STUM: variants seen among roughly 807,000 people sequenced by gnomAD.
The protein encoded by STUM is stum, mechanosensory transduction mediator homolog.
A neutral mutation model predicts 15.3 loss-of-function variants in STUM; 8 were observed. That is an observed-to-expected ratio of 0.52 (90% CI 0.31 to 0.94). The LOEUF (loss-of-function observed/expected upper bound fraction) is 0.94, where lower values mean the gene tolerates loss of function less well. Ranked by LOEUF, STUM falls within the 40% of genes least tolerant of loss-of-function variation. STUM has a pLI of 0.05. For missense variants in STUM, 142 were observed against 204.9 expected (o/e 0.69, Z 1.87); for synonymous variants, 78 against 88.7 (o/e 0.88, Z 0.68).
At chr1:226,588,512 C>T (rs1269012289) in intron 1 of STUM, among the ~76,000 whole-genome samples, 1 of 152,250 alleles carries the variant, frequency 6.6e-6, no homozygotes, top group African/African-American at 2.4e-5. Context: ...TTGCTTTCTG[C>T]AGCCTCCTCT....
Position 226,549,160 on chromosome 1 carries a change from T to TC in STUM, c.202+54_202+55insC. On this transcript the variant is annotated intron_variant, in intron 1 of 3. Transcript: ENST00000366788. The surrounding 1 kb of genome is among the most constrained non-coding windows in gnomAD (Gnocchi z 6.8). ...ACCCCCACCCCGCCGCGGGAGGGCGTGGGGGGAGAGAAGGGCGCGGCCGGA... is the reference window on the plus strand; with the variant it reads ...ACCCCCACCCCGCCGCGGGAGGGCGTCGGGGGGAGAGAAGGGCGCGGCCGGA... 3 of 1,485,838 alleles carry TC rather than the reference T, an allele frequency of 2.0e-6. No individual in the cohort carries two copies. In the African/African-American group the frequency reaches 4.4e-5, roughly 22 times the overall value. 92.0% of individuals were successfully genotyped at this position (1,485,838 alleles called of 1,614,324 possible). A position where few individuals can be genotyped will look rare whatever the true frequency, so the allele number is the denominator to read the frequency against.
intron 1 of STUM, among the ~76,000 whole-genome samples, chr1:226,586,299 C>T (rs576224950): frequency 1.3e-5 from 2 of 152,262 alleles, no homozygotes; most frequent in South Asian, 2.1e-4. Flanking sequence ...CCCACTGGTG[C>T]CTGGAACATT....
At chr1:226,582,129 A>T (rs568075970) in intron 1 of STUM, among the ~76,000 whole-genome samples, 1 of 152,328 alleles carries the variant, frequency 6.6e-6, no homozygotes, top group African/African-American at 2.4e-5. Flanking sequence ...CCACAGCTCC[A>T]CTGATACGGA....
intron 1 of STUM, among the ~76,000 whole-genome samples, chr1:226,559,887 G>C (rs1240076426): frequency 6.6e-6 from 1 of 151,156 alleles, no homozygotes; most frequent in Admixed American, 6.6e-5. Flanking sequence ...GCAGGAGAAT[G>C]GCGTGAACCC....
rs1211815771 is a variant in STUM at position 226,565,845 on chromosome 1, C to T, written c.202+16739C>T. On this transcript the variant is annotated intron_variant, in intron 1 of 3. Transcript: ENST00000366788. The surrounding 1 kb of genome is among the most constrained non-coding windows in gnomAD (Gnocchi z 4.4). ...GAAACCCAGATGGCTGGAAGCATCG[C>T]TGCCTTCCCGGAATGTCATCTCCCT... Among the ~76,000 whole-genome samples, 1 of 152,248 alleles carries T rather than the reference C, an allele frequency of 6.6e-6. No individual in the cohort carries two copies. The highest frequency in any genetic ancestry group is 1.5e-5 in the Non-Finnish European group (1 of 68,048).
Position 226,558,161 on chromosome 1 carries a change from G to C in STUM, c.202+9055G>C, listed in dbSNP as rs148937715. Among the ~76,000 whole-genome samples the C allele has an allele frequency of 2.8e-3, 426 of 152,222 alleles. 1 individual carries two copies. Among genetic ancestry groups the C allele is most frequent in the African/African-American group, 9.6e-3 (399 of 41,538 alleles). ...AATTGGGCAAGAGAAGGAAAGAAAA[G>C]GCATCCAAATAGGAAAGGAAGAAGT... On this transcript the variant is annotated intron_variant, in intron 1 of 3. Transcript: ENST00000366788.
chr1:226,598,529 A>G (rs1365991330), intron 2 of STUM, among the ~76,000 whole-genome samples: 3 of 152,166 alleles, frequency 2.0e-5, no homozygotes, highest in Non-Finnish European at 4.4e-5. Context: ...TCTCCTTAAT[A>G]CCCAGGAACG....
chr1:226,601,418 C>A (rs1345184761), intron 3 of STUM, among the ~76,000 whole-genome samples: 1 of 152,220 alleles, frequency 6.6e-6, no homozygotes, highest in Non-Finnish European at 1.5e-5. Flanking sequence ...AAACACAATA[C>A]CCTTTCACAC....
chr1:226,562,373 G>T (rs1307058492), intron 1 of STUM, among the ~76,000 whole-genome samples: 1 of 151,892 alleles, frequency 6.6e-6, no homozygotes, highest in East Asian at 1.9e-4. Context: ...GGAGGCTGAT[G>T]CAGGAGAATC....
chr1:226,593,142 C>T (rs1246669644), intron 1 of STUM, among the ~76,000 whole-genome samples: 2 of 148,686 alleles, frequency 1.3e-5, no homozygotes, highest in South Asian at 2.1e-4. Flanking sequence ...GCTGAGATCA[C>T]ACCACTGCAC....
intron 1 of STUM, among the ~76,000 whole-genome samples, chr1:226,587,331 T>C (rs1668013063): frequency 6.6e-6 from 1 of 152,044 alleles, no homozygotes; most frequent in African/African-American, 2.4e-5. Flanking sequence ...TTTCCTTCTG[T>C]CCTCGGAAGG....
rs75881679 is a variant in STUM, at chr1:226,559,611, T to C, written c.202+10505T>C. Among the ~76,000 whole-genome samples the C allele has an allele frequency of 2.1e-3, 321 of 152,296 alleles. 10 individuals are homozygous for C. In the East Asian group the frequency reaches 0.054, roughly 26 times the overall value. ...GCCACCAGGACCCTCTCCTCACTGC[T>C]CCACCCTTGTCCCTCCGGAACAATG... On this transcript the variant is annotated intron_variant, in intron 1 of 3. Transcript: ENST00000366788.
intron 1 of STUM, among the ~76,000 whole-genome samples, chr1:226,561,798 C>T (rs1667546177): frequency 6.6e-6 from 1 of 152,134 alleles, no homozygotes; most frequent in East Asian, 1.9e-4. Flanking sequence ...AGTGTCTACC[C>T]TTGGAATGCT....
intron 1 of STUM, among the ~76,000 whole-genome samples, chr1:226,585,568 T>A (rs190470801): frequency 3.5e-4 from 53 of 152,330 alleles, no homozygotes; most frequent in Admixed American, 1.7e-3. Flanking sequence ...CAGTTGGGAT[T>A]CGGACCCTGG....
At chr1:226,576,734 C>T (rs564856254) in intron 1 of STUM, among the ~76,000 whole-genome samples, 7 of 152,258 alleles carry the variant, frequency 4.6e-5, no homozygotes, top group African/African-American at 1.7e-4. Flanking sequence ...GCTGCCCACT[C>T]CCCCCTCCCA....
intron 1 of STUM, among the ~76,000 whole-genome samples, chr1:226,570,522 G>C (rs186594178): frequency 6.6e-6 from 1 of 152,326 alleles, no homozygotes; most frequent in Admixed American, 6.5e-5. Context: ...CATTGTTTTA[G>C]ACTAGACAGC....
At position 226,603,328 on chromosome 1, in the gene STUM, G is replaced by T. The variant is rs1261748358; in HGVS notation, c.*1288G>T. 6.6e-6 allele frequency: 1 copy of T among 152,198 alleles called. No individual in the cohort carries two copies. Among genetic ancestry groups the T allele is most frequent in the Non-Finnish European group, 1.5e-5 (1 of 68,038 alleles). 9.4% of individuals were successfully genotyped at this position (152,198 alleles called of 1,614,324 possible). On this transcript the variant is annotated 3_prime_UTR_variant, in exon 4 of 4. Transcript: ENST00000366788. ...AGATCCCTAATGGGGGCTAGGGGTG[G>T]GGAGAATCTAGCAGAAGTTGTCCAG...
At chr1:226,574,173 A>G (rs1667767175) in intron 1 of STUM, among the ~76,000 whole-genome samples, 1 of 152,160 alleles carries the variant, frequency 6.6e-6, no homozygotes, top group African/African-American at 2.4e-5. Flanking sequence ...CATATGCCAT[A>G]TATTAGATCT....
intron 1 of STUM, among the ~76,000 whole-genome samples, chr1:226,557,440 C>A (rs708746): frequency 1.2e-4 from 18 of 152,132 alleles, no homozygotes; most frequent in African/African-American, 4.3e-4. Context: ...CTATAGTAAA[C>A]ATGGGGTGCA....
Sources: gnomAD v4.1 joint callset for allele counts (sites outside exome capture counted in the v4.1 genomes callset) on GRCh38, gnomAD v4.1.1 for gene constraint, Gnocchi (gnomAD v3.1) non-coding constraint, MANE v1.5 for transcripts, NCBI Gene and HGNC (gene_info 2026-07-23, HGNC 2026-07-21) for gene names.